SCN8A: variants seen among roughly 807,000 people sequenced by gnomAD.
SCN8A encodes the protein sodium channel protein type 8 subunit alpha.
Under a neutral mutation model 184.1 loss-of-function variants are expected in SCN8A, and 30 were observed. That is an observed-to-expected ratio of 0.16 (90% confidence interval 0.12 to 0.22). SCN8A has a LOEUF of 0.22. Among genes scored for constraint, SCN8A ranks in the 10% least tolerant of loss-of-function variants. The pLI, the probability that SCN8A is intolerant of heterozygous loss-of-function variation, is 1.00. For synonymous variants in SCN8A, 852 were observed against 907.0 expected (o/e 0.94, Z 1.09); for missense variants, 1,057 against 2,498.9 (o/e 0.42, Z 12.30).
chr12:51,770,794 G>C, intron 19 of SCN8A, 111 bp downstream of exon 19: 7 of 1,139,648 alleles, frequency 6.1e-6, no homozygotes, highest in Non-Finnish European at 8.9e-6. Context: ...GATTGGCTGT[G>C]GTCCCAAGAA....
chr12:51,642,104 C>T (rs1940469743), intron 1 of SCN8A, among the ~76,000 whole-genome samples: 1 of 152,176 alleles, frequency 6.6e-6, no homozygotes, highest in Non-Finnish European at 1.5e-5. Context: ...TAGATTGCTC[C>T]TTCCTGGTCT....
intron 2 of SCN8A, among the ~76,000 whole-genome samples, chr12:51,670,530 G>GCTTA (rs1350817866): frequency 9.9e-5 from 15 of 152,238 alleles, no homozygotes; most frequent in African/African-American, 3.6e-4. Flanking sequence ...AGCAAATCCT[G>GCTTA]GAGGGCTTAG....
chr12:51,745,696 T>G (rs1349851138), intron 12 of SCN8A, among the ~76,000 whole-genome samples: 1 of 152,142 alleles, frequency 6.6e-6, no homozygotes, highest in African/African-American at 2.4e-5. Context: ...TCACACAGAC[T>G]TAAATGACTT....
chr12:51,691,435 T>C (rs1398549369), intron 6 of SCN8A, among the ~76,000 whole-genome samples: 2 of 151,008 alleles, frequency 1.3e-5, no homozygotes, highest in Admixed American at 1.3e-4. Context: ...TTATTTATCC[T>C]TTATATATAT....
chr12:51,758,590 A>G (rs148568169), intron 14 of SCN8A, among the ~76,000 whole-genome samples: 1,834 of 152,246 alleles, frequency 0.012, 35 homozygotes, highest in African/African-American at 0.04. Context: ...GGTGCCCGCC[A>G]CCATGCCTGG....
chr12:51,620,349 T>C (rs748085147), intron 1 of SCN8A, among the ~76,000 whole-genome samples: 2 of 152,220 alleles, frequency 1.3e-5, no homozygotes, highest in Non-Finnish European at 1.5e-5. Flanking sequence ...TAAAATTAGC[T>C]TTAAAATTAA....
chr12:51,803,934 A>G (rs1353652221), intron 26 of SCN8A, among the ~76,000 whole-genome samples: 2 of 152,174 alleles, frequency 1.3e-5, no homozygotes, highest in African/African-American at 2.4e-5. Context: ...AGGGGATTCT[A>G]TAGCCTTCTG....
intron 9 of SCN8A, among the ~76,000 whole-genome samples, chr12:51,705,025 T>C (rs1010794620): frequency 2.0e-5 from 3 of 152,188 alleles, no homozygotes; most frequent in African/African-American, 7.2e-5. Flanking sequence ...AACTTGGACC[T>C]GATTTCAGAG....
At chr12:51,601,855 G>GT (rs938674707) in intron 1 of SCN8A, among the ~76,000 whole-genome samples, 5,712 of 109,660 alleles carry the variant, frequency 0.052, 281 homozygotes, top group African/African-American at 0.13. Context: ...CAGAGAAAGG[G>GT]TTTTTTTTTT....
chr12:51,725,183 A>G (rs1389232789), intron 12 of SCN8A, among the ~76,000 whole-genome samples: 1 of 152,194 alleles, frequency 6.6e-6, no homozygotes, highest in Non-Finnish European at 1.5e-5. Context: ...GTATTTATTT[A>G]TGTTATTAGA....
chr12:51,747,964 A>G (rs1407489333), intron 13 of SCN8A, among the ~76,000 whole-genome samples: 2 of 152,054 alleles, frequency 1.3e-5, no homozygotes, highest in African/African-American at 2.4e-5. Context: ...CCTCTTTCCT[A>G]AGCCCTGATT....
At chr12:51,668,887 C>T in intron 2 of SCN8A, among the ~76,000 whole-genome samples, 1 of 152,152 alleles carries the variant, frequency 6.6e-6, no homozygotes, top group East Asian at 1.9e-4. Context: ...GGGGTACGTT[C>T]TGAGAAATGA....
At chr12:51,632,900 G>A (rs892066505) in intron 1 of SCN8A, among the ~76,000 whole-genome samples, 2 of 149,836 alleles carry the variant, frequency 1.3e-5, no homozygotes, top group African/African-American at 2.5e-5. Flanking sequence ...TGTTTCCTCC[G>A]TGCTTTTACA....
intron 1 of SCN8A, among the ~76,000 whole-genome samples, chr12:51,632,237 T>C (rs1565866451): frequency 6.6e-6 from 1 of 152,234 alleles, no homozygotes; most frequent in East Asian, 1.9e-4. Flanking sequence ...TTTCCTGCAG[T>C]ACTCATTACA....
At chr12:51,707,834 C>T (rs528111495) in intron 11 of SCN8A, among the ~76,000 whole-genome samples, 3 of 152,292 alleles carry the variant, frequency 2.0e-5, no homozygotes, top group African/African-American at 7.2e-5. Context: ...AGCCTAAAAA[C>T]ATCTGGTTTT....
chr12:51,778,777 CT>C (rs1376533806), intron 20 of SCN8A, among the ~76,000 whole-genome samples: 23 of 151,482 alleles, frequency 1.5e-4, no homozygotes, highest in Admixed American at 4.6e-4. Context: ...TAGATTGTTT[CT>C]TTTTTTTTCC....
At chr12:51,696,732 T>G (rs1341869715) in intron 6 of SCN8A, among the ~76,000 whole-genome samples, 1 of 152,044 alleles carries the variant, frequency 6.6e-6, no homozygotes, top group Non-Finnish European at 1.5e-5. Flanking sequence ...AAATTTGATT[T>G]GAAACACAAT....
rs760717246 is a variant in SCN8A at position 51,721,689 on chromosome 12, G to A, written c.1779G>A (p.Glu593=). The part of the protein sequence containing the change: ...FADDEHSTVE[E]SEGRRDSLFI... ...ATGACGAGCACAGCACGGTGGAGGA[G>A]AGCGAGGGCCGCCGGGACTCCCTCT... Residue 593 remains glutamate, a synonymous_variant, in exon 12 of 27, where the codon GAG becomes GAA. Transcript: ENST00000627620. 1 of 1,593,994 alleles carries A rather than the reference G, an allele frequency of 6.3e-7. No individual in the cohort carries two copies. Among genetic ancestry groups the A allele is most frequent in the South Asian group, 1.1e-5 (1 of 88,602 alleles).
rs1592140302 is a variant in SCN8A at position 51,746,011 on chromosome 12, G to A, written c.2107G>A (p.Val703Ile). 1 of 1,609,146 alleles carries A rather than the reference G, an allele frequency of 6.2e-7. No individual in the cohort carries two copies. The highest frequency in any genetic ancestry group is 8.5e-7 in the Non-Finnish European group (1 of 1,177,746). ...GGACAGAATCAACAGTATAATGAGT[G>A]TTGTTACAAATACACTAGTAGAAGG... ...RKDRINSIMS[V>I]VTNTLVEELE... Residue 703 changes from valine (V) to isoleucine (I), a missense_variant, in exon 13 of 27, where the codon GTT becomes ATT. By Grantham distance (29) the Val-to-Ile change is conservative. Transcript: ENST00000627620.
Sources: allele counts gnomAD v4.1 joint callset (sites outside exome capture counted in the v4.1 genomes callset), GRCh38; gene constraint gnomAD v4.1.1; transcripts MANE v1.5; gene names NCBI Gene and HGNC (gene_info 2026-07-23, HGNC 2026-07-21).